Variants in PRTG observed in about 807,000 individuals in gnomAD.
The protein encoded by PRTG is immunoglobulin superfamily, DCC subclass, member 5.
In PRTG, 67 loss-of-function variants were observed where a neutral mutation model predicts 122.5. The ratio of observed to expected loss-of-function variants is 0.55; its 90% CI spans 0.45 to 0.67. PRTG has a LOEUF of 0.67. PRTG is among the 30% of genes least tolerant of loss of function. The pLI is 0.00. For missense variants in PRTG, 1,435 were observed against 1,415.4 expected (o/e 1.01, Z -0.22); for synonymous variants, 554 against 501.1 (o/e 1.11, Z -1.41).
chr15:55,729,795 G>A (rs1447237230), intron 2 of PRTG, among the ~76,000 whole-genome samples: 1 of 151,862 alleles, frequency 6.6e-6, no homozygotes, highest in Non-Finnish European at 1.5e-5. Flanking sequence ...CACTCCATTG[G>A]TGGTTCTTCA....
At chr15:55,687,049 G>A (rs1183629739) in intron 2 of PRTG, among the ~76,000 whole-genome samples, 1 of 152,176 alleles carries the variant, frequency 6.6e-6, no homozygotes, top group African/African-American at 2.4e-5. Context: ...AGCAGGTCAT[G>A]TTCTTTGCAG....
chr15:55,639,213 A>G (rs2059275626), intron 13 of PRTG, among the ~76,000 whole-genome samples: 1 of 152,098 alleles, frequency 6.6e-6, no homozygotes, highest in Non-Finnish European at 1.5e-5. Flanking sequence ...GACTTAAGCA[A>G]TCCTACCACC....
In PRTG at chr15:55,637,254, C is replaced by G. The variant is rs2059262931; in HGVS notation, c.2539G>C (p.Glu847Gln). ...LVSWKPPDGP[E>Q]TVVTRYTILY... ...ATAGTATAGCGGGTCACAACTGTTT[C>G]TGGGCCATCAGGGGGTTTCCAAGAA... is the stretch of plus-strand genomic sequence containing the variant. Residue 847 changes from glutamate (E) to glutamine (Q), a missense_variant, in exon 15 of 20, where the codon GAA becomes CAA. Glu to Gln is a conservative substitution (Grantham distance 29). Transcript: ENST00000389286. 6.2e-7 allele frequency: 1 copy of G among 1,613,954 alleles called. No homozygotes were observed. The highest frequency in any genetic ancestry group is 1.3e-5 in the African/African-American group (1 of 74,902).
intron 11 of PRTG, among the ~76,000 whole-genome samples, chr15:55,662,286 C>T (rs1286163459): frequency 2.6e-5 from 4 of 152,080 alleles, no homozygotes; most frequent in African/African-American, 2.4e-5. Flanking sequence ...TTCTTCTCTC[C>T]GGCAGCACTG....
At chr15:55,672,670 C>T (rs1313017106) in intron 10 of PRTG, 37 bp from the exon 11 acceptor site, 2 of 1,509,874 alleles carry the variant, frequency 1.3e-6, no homozygotes, top group Non-Finnish European at 1.8e-6. Context: ...GTATAAACAA[C>T]CCAATATCCA....
At position 55,619,760 on chromosome 15, in the gene PRTG, A is replaced by C. The variant is rs2059156102; in HGVS notation, c.*252T>G. 1 of 483,156 alleles carries C rather than the reference A, an allele frequency of 2.1e-6. No individual in the cohort carries two copies. Among genetic ancestry groups the C allele is most frequent in the Non-Finnish European group, 3.5e-6 (1 of 286,856 alleles). 29.9% of individuals were successfully genotyped at this position (483,156 alleles called of 1,614,324 possible). A position where few individuals can be genotyped will look rare whatever the true frequency, so the allele number is the denominator to read the frequency against. ...AACAAAACACATTCAAAAAAAGCTAAAATACCCCATAAAGATATTAAGATT... is the reference window on the plus strand; with the variant it reads ...AACAAAACACATTCAAAAAAAGCTACAATACCCCATAAAGATATTAAGATT... On this transcript the variant is annotated 3_prime_UTR_variant, in exon 20 of 20. Transcript: ENST00000389286.
chr15:55,649,010 T>A (rs1403309222), intron 11 of PRTG, among the ~76,000 whole-genome samples: 1 of 150,326 alleles, frequency 6.7e-6, no homozygotes, highest in Non-Finnish European at 1.5e-5. Context: ...CGCAGAAGAA[T>A]CACTTGAACC....
intron 11 of PRTG, among the ~76,000 whole-genome samples, chr15:55,666,638 A>C (rs2141782385): frequency 6.6e-6 from 1 of 152,366 alleles, no homozygotes; most frequent in South Asian, 2.1e-4. Context: ...TTTCAAATCT[A>C]GTGATCATGG....
intron 2 of PRTG, among the ~76,000 whole-genome samples, chr15:55,721,567 T>G (rs2030824633): frequency 6.6e-6 from 1 of 152,198 alleles, no homozygotes; most frequent in South Asian, 2.1e-4. Flanking sequence ...ATTTCCTTCA[T>G]CTAATTAAAA....
chr15:55,672,344 T>C (rs917922824), intron 11 of PRTG, 101 bp downstream of exon 11: 4 of 905,376 alleles, frequency 4.4e-6, no homozygotes, highest in Admixed American at 2.3e-5. Context: ...TTCTTTTCTT[T>C]GTACCATTAA....
Position 55,619,943 on chromosome 15 carries a change from G to A in PRTG, c.*69C>T. The A allele has an allele frequency of 6.3e-7, 1 of 1,586,770 alleles. No homozygotes were observed. Among genetic ancestry groups the A allele is most frequent in the Middle Eastern group, 2.0e-4 (1 of 5,048 alleles). On this transcript the variant is annotated 3_prime_UTR_variant, in exon 20 of 20. Transcript: ENST00000389286. The stretch of plus-strand genomic sequence containing the variant: ...TAAGGAGGAAGTCTGCTCACTAACA[G>A]ATGACACAGCAGGGTCTTCACACTT...
At chr15:55,678,686 A>G (rs2059518766) in intron 7 of PRTG, among the ~76,000 whole-genome samples, 1 of 152,216 alleles carries the variant, frequency 6.6e-6, no homozygotes, top group South Asian at 2.1e-4. Context: ...TGATATTCAA[A>G]TGCTCTCTGC....
chr15:55,675,601 AT>A lies in PRTG; in HGVS notation c.1463del (p.Asn488IlefsTer7). 1.2e-6 allele frequency: 2 copies of A among 1,609,438 alleles called. No homozygotes were observed. Among genetic ancestry groups the A allele is most frequent in the Non-Finnish European group, 1.7e-6 (2 of 1,175,972 alleles). ...YIIDDLEPAS[N>X]YTFYIVAYMP... ...TATATGCTACAATGTAGAAAGTATA[AT>A]TGCTGGCAGGCTCTAAGTCATCAAT... is the stretch of plus-strand genomic sequence containing the variant. On this transcript the variant is annotated frameshift_variant, in exon 9 of 20. Transcript: ENST00000389286. LOFTEE classifies it high-confidence loss of function.
chr15:55,658,929 C>G (rs916324001), intron 11 of PRTG, among the ~76,000 whole-genome samples: 4 of 152,138 alleles, frequency 2.6e-5, no homozygotes, highest in African/African-American at 9.7e-5. Flanking sequence ...TTTACACAAC[C>G]TACCAAGGAA....
At chr15:55,651,832 TC>T (rs1478159326) in intron 11 of PRTG, among the ~76,000 whole-genome samples, 1 of 152,206 alleles carries the variant, frequency 6.6e-6, no homozygotes, top group East Asian at 1.9e-4. Context: ...AGAAAACTTT[TC>T]CCCCAAAGGA....
intron 18 of PRTG, among the ~76,000 whole-genome samples, chr15:55,623,422 T>G (rs2059177344): frequency 6.6e-6 from 1 of 151,972 alleles, no homozygotes. Flanking sequence ...ACAAAATTAG[T>G]CAGGCATGGT....
chr15:55,665,365 G>T (rs1280898399), intron 11 of PRTG, among the ~76,000 whole-genome samples: 3 of 152,172 alleles, frequency 2.0e-5, no homozygotes, highest in African/African-American at 7.2e-5. Flanking sequence ...CAGCATTTCA[G>T]TAAACTCCCA....
chr15:55,636,237 GT>G (rs1203906071), intron 15 of PRTG, among the ~76,000 whole-genome samples: 19 of 151,850 alleles, frequency 1.3e-4, no homozygotes, highest in Admixed American at 1.2e-3. Flanking sequence ...TAAATTCCGT[GT>G]TCTTAAGCCC....
At position 55,706,312 on chromosome 15, in the gene PRTG, C is replaced by T. The variant is rs76190508; in HGVS notation, c.398-22381G>A. ...GGATGGCATCAAGAAGACAGTGACA[C>T]GTGATAAAAGGTGGAAGGATATCAA... On this transcript the variant is annotated intron_variant, in intron 2 of 19. Transcript: ENST00000389286. 2.7e-3 allele frequency among the ~76,000 whole-genome samples: 412 copies of T among 151,894 alleles called. 1 individual carries two copies. Among genetic ancestry groups the T allele is most frequent in the African/African-American group, 9.5e-3 (392 of 41,422 alleles).
Sources: allele counts gnomAD v4.1 joint callset (sites outside exome capture counted in the v4.1 genomes callset), GRCh38; gene constraint gnomAD v4.1.1; transcripts MANE v1.5; gene names NCBI Gene and HGNC (gene_info 2026-07-23, HGNC 2026-07-21).